PCDHGA8: variants seen among roughly 807,000 people sequenced by gnomAD.
PCDHGA8 encodes the protein protocadherin gamma-A8.
PCDHGA8 carries 45 observed loss-of-function variants against 59.2 expected under a neutral mutation model. The observed-to-expected ratio is 0.76, with a 90% CI of 0.60 to 0.98. The LOEUF is 0.98. Ranked by LOEUF, PCDHGA8 falls within the 50% of genes least tolerant of loss-of-function variation. The pLI is 0.00. For missense variants in PCDHGA8, 1,257 were observed against 1,196.2 expected (o/e 1.05, Z -0.75); for synonymous variants, 531 against 519.0 (o/e 1.02, Z -0.32).
chr5:141,394,686 G>A lies in PCDHGA8; in HGVS notation c.1873G>A (p.Glu625Lys). ...CTTCTCGGTGGGTCTGCACACGGGC[G>A]AGGTGCGCACGGCGCGAGCCCTGCT... ...GLFSVGLHTG[E>K]VRTARALLDR... The change falls in exon 1 of 4, where the codon GAG becomes AAG. Residue 625 changes from glutamate (E) to lysine (K), a missense_variant. By Grantham distance (56) the Glu-to-Lys change is moderately conservative. Transcript: ENST00000398604. 2.5e-6 allele frequency: 4 copies of A among 1,612,316 alleles called. No homozygotes were observed. The highest frequency in any genetic ancestry group is 3.4e-6 in the Non-Finnish European group (4 of 1,179,662).
Position 141,432,016 on chromosome 5 carries a change from C to T in PCDHGA8, c.2424+36779C>T, listed in dbSNP as rs771650925. The T allele has an allele frequency of 1.2e-6, 2 of 1,614,202 alleles. No homozygotes were observed. The highest frequency in any genetic ancestry group is 3.3e-5 in the Admixed American group (2 of 60,030). On this transcript the variant is annotated intron_variant, in intron 1 of 3. Coordinates refer to ENST00000398604, the MANE Select transcript of PCDHGA8 (RefSeq NM_032088.2). This position sits in a 1 kb window ranked among gnomAD's most constrained non-coding sequence, Gnocchi z 6.0. ...ATAGGGAACAGGTTCCTAGCTACAA[C>T]ATCACAGTGACCGCCACTGACCGGG...
Position 141,476,264 on chromosome 5 carries a change from G to C in PCDHGA8, c.2425-18543G>C, listed in dbSNP as rs753184649. The C allele has an allele frequency of 6.2e-7, 1 of 1,614,082 alleles. No individual in the cohort carries two copies. Among genetic ancestry groups the C allele is most frequent in the Non-Finnish European group, 8.5e-7 (1 of 1,180,010 alleles). On this transcript the variant is annotated intron_variant, in intron 1 of 3. Transcript: ENST00000398604. This position sits in a 1 kb window ranked among gnomAD's most constrained non-coding sequence, Gnocchi z 7.6. ...AGAGAAGGGTTTCGCTGTGGGCAAC[G>C]TGGTCGCGAACCTTGGTTTGGATCT...
intron 1 of PCDHGA8, among the ~76,000 whole-genome samples, chr5:141,463,438 C>CTTTTTTTTT (rs71576115): frequency 4.8e-5 from 5 of 103,252 alleles, no homozygotes; most frequent in African/African-American, 2.2e-4. Context: ...TTTCCTTCTC[C>CTTTTTTTTT]TTTTTTTTTT....
chr5:141,437,648 A>G (rs1291089695), intron 1 of PCDHGA8, among the ~76,000 whole-genome samples: 2 of 152,204 alleles, frequency 1.3e-5, no homozygotes, highest in African/African-American at 4.8e-5. Context: ...AGAAAAGCAA[A>G]CACATAGTTT....
chr5:141,394,347 G>A lies in PCDHGA8; in HGVS notation c.1534G>A (p.Gly512Ser), dbSNP rs770737407. 1.9e-6 allele frequency: 3 copies of A among 1,614,118 alleles called. No homozygotes were observed. The South Asian group carries it at 3.3e-5, about 18-fold the overall frequency. Residue 512 changes from glycine (G) to serine (S), a missense_variant, in exon 1 of 4, where the codon GGT (glycine) becomes AGT (serine). Physicochemically the swap from Gly to Ser is moderately conservative, Grantham distance 56. Coordinates refer to ENST00000398604, the MANE Select transcript of PCDHGA8 (RefSeq NM_032088.2). ...GTATATCTCCATCAACTCTGACACC[G>A]GTGTCCTGTATGCGCTGCAATCTTT... ...SSYISINSDTGVLYALQSFDY... is the reference protein window; with the variant it reads ...SSYISINSDTSVLYALQSFDY...
rs979750945 is a variant in PCDHGA8 at position 141,478,807 on chromosome 5, A to G, written c.2425-16000A>G. The G allele has an allele frequency of 3.4e-6, 5 of 1,459,258 alleles. No homozygotes were observed. The African/African-American group carries it at 5.7e-5, about 17-fold the overall frequency. 90.4% of individuals were successfully genotyped at this position (1,459,258 alleles called of 1,614,324 possible). On this transcript the variant is annotated intron_variant, in intron 1 of 3. Transcript: ENST00000398604. The stretch of plus-strand genomic sequence containing the variant: ...TTCACATCCTCAGCACTCTTTTGCT[A>G]TCACAACTAACCAATCTTGCTAAGG...
intron 1 of PCDHGA8, chr5:141,409,675 AG>A (rs2095301185): frequency 1.9e-6 from 3 of 1,613,304 alleles, no homozygotes; most frequent in African/African-American, 2.7e-5. Flanking sequence ...CCTACTCTAT[AG>A]TGGCGAGTGA....
intron 1 of PCDHGA8, chr5:141,403,714 C>A: frequency 1.2e-6 from 2 of 1,613,910 alleles, no homozygotes; most frequent in South Asian, 1.1e-5. Context: ...TCCTTGAGAA[C>A]GTGCCCCCAG....
intron 1 of PCDHGA8, chr5:141,400,635 TG>T: frequency 7.3e-7 from 1 of 1,373,110 alleles, no homozygotes; most frequent in Non-Finnish European, 1.0e-6. Flanking sequence ...AAGTCAGAGC[TG>T]CTCAGAAAGC....
chr5:141,491,612 G>A lies in PCDHGA8; in HGVS notation c.2425-3195G>A, dbSNP rs759955730. ...GACGGCAGTGACTTCACTTTTCTAAGACCCCTCAGCGTTCAGCAGCCCACA... is the reference window on the plus strand; with the variant it reads ...GACGGCAGTGACTTCACTTTTCTAAAACCCCTCAGCGTTCAGCAGCCCACA... On this transcript the variant is annotated intron_variant, in intron 1 of 3. Coordinates refer to ENST00000398604, the MANE Select transcript of PCDHGA8 (RefSeq NM_032088.2). The surrounding 1 kb of genome is among the most constrained non-coding windows in gnomAD (Gnocchi z 6.9). 6.2e-7 allele frequency: 1 copy of A among 1,613,906 alleles called. No individual in the cohort carries two copies. The highest frequency in any genetic ancestry group is 8.5e-7 in the Non-Finnish European group (1 of 1,180,026).
At chr5:141,414,844 C>T (rs769714220) in intron 1 of PCDHGA8, 3 of 1,614,216 alleles carry the variant, frequency 1.9e-6, no homozygotes, top group South Asian at 2.2e-5. Flanking sequence ...CCTGTTTGTG[C>T]TGGACCAGAA....
Position 141,489,368 on chromosome 5 carries a change from C to T in PCDHGA8, c.2425-5439C>T, listed in dbSNP as rs889945954. The T allele has an allele frequency of 1.2e-5, 20 of 1,613,264 alleles. No homozygotes were observed. The highest frequency in any genetic ancestry group is 1.6e-5 in the Non-Finnish European group (19 of 1,179,484). On this transcript the variant is annotated intron_variant, in intron 1 of 3. Transcript: ENST00000398604. The surrounding 1 kb of genome is among the most constrained non-coding windows in gnomAD (Gnocchi z 4.5). The stretch of plus-strand genomic sequence containing the variant: ...GTGGTGGAGGAGTCTGAGCCGGGGA[C>T]GCTGGTGGGGAATGTTGCTCAGGAT...
At chr5:141,465,767 T>A (rs1427458413) in intron 1 of PCDHGA8, among the ~76,000 whole-genome samples, 1 of 152,016 alleles carries the variant, frequency 6.6e-6, no homozygotes, top group Non-Finnish European at 1.5e-5. Context: ...TCATGTTTCA[T>A]CTCTTGTTAC....
intron 1 of PCDHGA8, chr5:141,418,934 G>T (rs1163951447): frequency 6.2e-7 from 1 of 1,614,056 alleles, no homozygotes; most frequent in African/African-American, 1.3e-5. Context: ...GATTATGGAG[G>T]ATTCCCCTCC....
Position 141,418,943 on chromosome 5 carries a change from C to T in PCDHGA8, c.2424+23706C>T, listed in dbSNP as rs751344893. On this transcript the variant is annotated intron_variant, in intron 1 of 3. Coordinates refer to ENST00000398604, the MANE Select transcript of PCDHGA8 (RefSeq NM_032088.2). ...TGATCAGATTATGGAGGATTCCCCT[C>T]CAGGAGTGGTTGTTGCCCTCTTCAA... The T allele has an allele frequency of 3.1e-6, 5 of 1,613,914 alleles. No homozygotes were observed. The African/African-American group carries it at 6.7e-5, about 22-fold the overall frequency.
Position 141,432,097 on chromosome 5 carries a change from C to G in PCDHGA8, c.2424+36860C>G. ...TCTCGCTGAACGTGGCAGACACCAA[C>G]GACAACCCGCCGGTCTTCCCTCAGG... On this transcript the variant is annotated intron_variant, in intron 1 of 3. Transcript: ENST00000398604. This position sits in a 1 kb window ranked among gnomAD's most constrained non-coding sequence, Gnocchi z 6.0. The G allele has an allele frequency of 6.2e-7, 1 of 1,614,184 alleles. No homozygotes were observed.
intron 1 of PCDHGA8, among the ~76,000 whole-genome samples, chr5:141,401,668 A>G (rs2094180828): frequency 6.6e-6 from 1 of 152,254 alleles, no homozygotes; most frequent in Non-Finnish European, 1.5e-5. Flanking sequence ...TTTTCTCAAC[A>G]TCCTTGTAGG....
chr5:141,455,502 A>G (rs888549465), intron 1 of PCDHGA8, among the ~76,000 whole-genome samples: 12 of 152,206 alleles, frequency 7.9e-5, no homozygotes, highest in African/African-American at 2.7e-4. Flanking sequence ...TCTGATTTGC[A>G]TAGGGCTCAG....
intron 1 of PCDHGA8, among the ~76,000 whole-genome samples, chr5:141,433,482 C>T (rs935076625): frequency 3.3e-5 from 5 of 152,110 alleles, no homozygotes; most frequent in African/African-American, 9.6e-5. Flanking sequence ...TAGCCTCCTG[C>T]TTCTCCCTCC....
Sources: allele counts gnomAD v4.1 joint callset (sites outside exome capture counted in the v4.1 genomes callset), GRCh38; gene constraint gnomAD v4.1.1; non-coding constraint Gnocchi (gnomAD v3.1); transcripts MANE v1.5; gene names NCBI Gene and HGNC (gene_info 2026-07-23, HGNC 2026-07-21).